Variants in VAV3 observed in about 807,000 individuals in gnomAD.
VAV3 encodes the protein vav guanine nucleotide exchange factor 3, also known as guanine nucleotide exchange factor VAV3.
VAV3 carries 94 observed loss-of-function variants against 131.2 expected under a neutral mutation model. That is an observed-to-expected ratio of 0.72 (90% CI 0.61 to 0.85). VAV3 has a LOEUF of 0.85. Among genes scored for constraint, VAV3 ranks in the 40% least tolerant of loss-of-function variants. The probability of loss-of-function intolerance (pLI) is 0.00; values close to 1 mark genes in which losing one functional copy is unlikely to be tolerated. For missense variants in VAV3, 939 were observed against 1,002.7 expected (o/e 0.94, Z 0.86); for synonymous variants, 349 against 342.0 (o/e 1.02, Z -0.22).
chr1:107,761,566 T>C (rs760439614), intron 9 of VAV3, among the ~76,000 whole-genome samples: 5 of 152,140 alleles, frequency 3.3e-5, no homozygotes, highest in East Asian at 1.9e-4. Flanking sequence ...AAAGTGTCAA[T>C]AGTCTTCCCA....
At chr1:107,888,238 C>G (rs185110690) in intron 1 of VAV3, among the ~76,000 whole-genome samples, 1 of 152,124 alleles carries the variant, frequency 6.6e-6, no homozygotes, top group African/African-American at 2.4e-5. Context: ...GCAACATTCC[C>G]CACAAGTGAC....
intron 1 of VAV3, among the ~76,000 whole-genome samples, chr1:107,922,161 C>T (rs961287964): frequency 3.9e-5 from 6 of 152,162 alleles, no homozygotes; most frequent in Admixed American, 1.3e-4. Context: ...ACAGTTGCCT[C>T]CACTGGGCTC....
chr1:107,916,443 C>G (rs1672623140), intron 1 of VAV3, among the ~76,000 whole-genome samples: 1 of 152,178 alleles, frequency 6.6e-6, no homozygotes, highest in Non-Finnish European at 1.5e-5. Flanking sequence ...GGTGTAGTTT[C>G]AAACCTCAAG....
intron 25 of VAV3, among the ~76,000 whole-genome samples, chr1:107,593,597 A>C (rs187820110): frequency 6.6e-6 from 1 of 152,258 alleles, no homozygotes; most frequent in Non-Finnish European, 1.5e-5. Context: ...ACCTAAAGCT[A>C]TGAACCAAAG....
Position 107,790,679 on chromosome 1 carries a change from C to CTTTT in VAV3, c.322-11191_322-11188dup, listed in dbSNP as rs145926469. On this transcript the variant is annotated intron_variant, in intron 2 of 26. Transcript: ENST00000370056. ...CATCACTCCTTCCTTAAATGTCTTC[C>CTTTT]TTTTTTTTTTTTTTTTTTTTTTTTT... Among the ~76,000 whole-genome samples, 56 of 69,838 alleles carry CTTTT rather than the reference C, an allele frequency of 8.0e-4. 5 individuals carry two copies. The highest frequency in any genetic ancestry group is 1.6e-3 in the African/African-American group (28 of 17,292). The allele number at this position is 69,838 out of a possible 152,430, so 45.8% of individuals were successfully genotyped here. A position where few individuals can be genotyped will look rare whatever the true frequency, so the allele number is the denominator to read the frequency against.
At chr1:107,649,881 G>A (rs1463466746) in intron 19 of VAV3, among the ~76,000 whole-genome samples, 1 of 151,990 alleles carries the variant, frequency 6.6e-6, no homozygotes, top group Non-Finnish European at 1.5e-5. Context: ...ATATTTTAGT[G>A]GAGGAGACAA....
chr1:107,892,656 A>T (rs972373835), intron 1 of VAV3, among the ~76,000 whole-genome samples: 13 of 152,192 alleles, frequency 8.5e-5, no homozygotes, highest in African/African-American at 2.7e-4. Flanking sequence ...TCTATATATA[A>T]AGACTACAAT....
chr1:107,732,412 G>A (rs1352948890), intron 15 of VAV3, among the ~76,000 whole-genome samples: 2 of 152,164 alleles, frequency 1.3e-5, no homozygotes, highest in African/African-American at 2.4e-5. Flanking sequence ...GCAGGGCATC[G>A]CCTCACCCAA....
At chr1:107,815,793 A>G (rs139498906) in intron 2 of VAV3, among the ~76,000 whole-genome samples, 5 of 152,156 alleles carry the variant, frequency 3.3e-5, no homozygotes, top group Non-Finnish European at 7.3e-5. Flanking sequence ...TATATGCACA[A>G]ATTTTTTTGC....
intron 15 of VAV3, among the ~76,000 whole-genome samples, chr1:107,741,820 A>G: frequency 6.6e-6 from 1 of 152,160 alleles, no homozygotes; most frequent in East Asian, 1.9e-4. Flanking sequence ...TATGACTTGC[A>G]TATTTTCTAC....
chr1:107,655,763 A>G (rs1299267979), intron 19 of VAV3, among the ~76,000 whole-genome samples: 4 of 152,170 alleles, frequency 2.6e-5, no homozygotes, highest in African/African-American at 9.6e-5. Context: ...AAGAAGAAAC[A>G]AATAATCTAA....
intron 2 of VAV3, among the ~76,000 whole-genome samples, chr1:107,858,784 G>A (rs1392138084): frequency 1.3e-5 from 2 of 152,164 alleles, no homozygotes; most frequent in South Asian, 2.1e-4. Context: ...AGAGTATCCT[G>A]GAAGTGTGAG....
At chr1:107,751,278 A>C in intron 12 of VAV3, 76 bp from the exon 13 acceptor site, 1 of 1,076,756 alleles carries the variant, frequency 9.3e-7, no homozygotes, top group Non-Finnish European at 1.4e-6. Context: ...AGAGATATTT[A>C]CTCAAGACAA....
At chr1:107,860,047 CTTTTAAATTGTT>C (rs1669664235) in intron 2 of VAV3, among the ~76,000 whole-genome samples, 1 of 152,116 alleles carries the variant, frequency 6.6e-6, no homozygotes, top group Non-Finnish European at 1.5e-5. Context: ...TCTATATTTA[CTTTTAAATTGTT>C]CAGCAAAAAT....
chr1:107,607,316 G>C (rs61127542), intron 22 of VAV3, among the ~76,000 whole-genome samples: 2 of 152,080 alleles, frequency 1.3e-5, no homozygotes, highest in Non-Finnish European at 2.9e-5. Context: ...CTGGATTTTA[G>C]ATTTTTAACT....
At position 107,669,098 on chromosome 1, in the gene VAV3, T is replaced by C; in HGVS notation, c.1777+14390A>G. 3 of 1,091,342 alleles carry C rather than the reference T, an allele frequency of 2.7e-6. No individual in the cohort carries two copies. The South Asian group carries it at 7.2e-5, about 26-fold the overall frequency. The allele number at this position is 1,091,342 out of a possible 1,614,324, so 67.6% of individuals were successfully genotyped here. A position where few individuals can be genotyped will look rare whatever the true frequency, so the allele number is the denominator to read the frequency against. ...AGGGGAAAAAAAGAAAAATGAGTTATGCCGGTGTTCTTTAAAATTGAAGAC... is the reference window on the plus strand; with the variant it reads ...AGGGGAAAAAAAGAAAAATGAGTTACGCCGGTGTTCTTTAAAATTGAAGAC... On this transcript the variant is annotated intron_variant, in intron 19 of 26. Transcript: ENST00000370056.
At chr1:107,707,487 T>C (rs1419888388) in intron 15 of VAV3, among the ~76,000 whole-genome samples, 1 of 152,170 alleles carries the variant, frequency 6.6e-6, no homozygotes, top group African/African-American at 2.4e-5. Flanking sequence ...TGGCTACAAT[T>C]TATGAAGTGC....
At chr1:107,753,697 C>T (rs1392803836) in intron 12 of VAV3, among the ~76,000 whole-genome samples, 2 of 151,224 alleles carry the variant, frequency 1.3e-5, no homozygotes, top group African/African-American at 2.4e-5. Flanking sequence ...GTAGCTGGGA[C>T]TACAGGCACG....
In VAV3 at chr1:107,755,193, G is replaced by A. The variant is rs144650572; in HGVS notation, c.1173+234C>T. 3.2e-4 allele frequency among the ~76,000 whole-genome samples: 48 copies of A among 152,230 alleles called. 1 individual carries two copies. The highest frequency in any genetic ancestry group is 6.8e-3 in the Middle Eastern group (2 of 294). On this transcript the variant is annotated intron_variant, in intron 12 of 26. Coordinates refer to ENST00000370056, the MANE Select transcript of VAV3 (RefSeq NM_006113.5). Reference sequence around the variant, plus strand: ...TCCTATATTTAGATTCAGACTGCTGGGAGAAGAGGCAGAGTGTGACTAAGG... The same window carrying A: ...TCCTATATTTAGATTCAGACTGCTGAGAGAAGAGGCAGAGTGTGACTAAGG...
Sources: gnomAD v4.1 joint callset for allele counts (sites outside exome capture counted in the v4.1 genomes callset) on GRCh38, gnomAD v4.1.1 for gene constraint, MANE v1.5 for transcripts, NCBI Gene and HGNC (gene_info 2026-07-23, HGNC 2026-07-21) for gene names.